ZFHX3: variants seen among roughly 807,000 people sequenced by gnomAD.
ZFHX3 encodes zinc finger homeobox 3.
A neutral mutation model predicts 279.1 loss-of-function variants in ZFHX3; 42 were observed. That is an observed-to-expected ratio of 0.15 (90% CI 0.12 to 0.19). The LOEUF is 0.19. ZFHX3 is among the 10% of genes least tolerant of loss of function. The pLI, the probability that ZFHX3 is intolerant of heterozygous loss-of-function variation, is 1.00. For missense variants in ZFHX3, 4,981 were observed against 4,754.0 expected, an observed-to-expected ratio of 1.05 and a Z score of -1.40; for synonymous variants, 2,293 against 1,957.8, an observed-to-expected ratio of 1.17 and a Z score of -4.52.
chr16:73,112,436 A>G lies in ZFHX3; in HGVS notation c.-897+18532T>C, dbSNP rs1367911385. On this transcript the variant is annotated intron_variant, in intron 7 of 17. Coordinates refer to the ZFHX3 transcript ENST00000641206. ...ATTTAAAAAAATTTTAAAAAGGCCG[A>G]ACCCAGTGGCTGGCACCTGTAATCC... Among the ~76,000 whole-genome samples the G allele has an allele frequency of 3.9e-5, 6 of 152,118 alleles. No individual in the cohort carries two copies. The South Asian group carries it at 1.2e-3, about 31-fold the overall frequency.
intron 2 of ZFHX3, among the ~76,000 whole-genome samples, chr16:73,556,008 A>G (rs978543290): frequency 6.6e-6 from 1 of 152,194 alleles, no homozygotes; most frequent in Non-Finnish European, 1.5e-5. Context: ...ATGCAGACAC[A>G]GTGTTTTCTG....
At chr16:73,747,355 C>T (rs1259144076) in intron 1 of ZFHX3, among the ~76,000 whole-genome samples, 2 of 152,036 alleles carry the variant, frequency 1.3e-5, no homozygotes, top group African/African-American at 4.8e-5. Context: ...TGCACTTAAG[C>T]CTAGGTGACA....
chr16:73,659,876 T>C (rs1242760459), intron 2 of ZFHX3, among the ~76,000 whole-genome samples: 1 of 152,140 alleles, frequency 6.6e-6, no homozygotes, highest in Non-Finnish European at 1.5e-5. Context: ...TTAATAAAAA[T>C]AGAGCCACCC....
rs762909654 is a variant in ZFHX3 at position 72,957,827 on chromosome 16, C to CGCA, written c.2318_2319insTGC (p.Ala776dup). Reference sequence around the variant, plus strand: ...CCGCCGCCGCAGCCACCGCCGCCGCCGCCGCCCCGGCAGTGTGGCTGAAGA... The same window carrying CGCA: ...CCGCCGCCGCAGCCACCGCCGCCGCCGCAGCCGCCCCGGCAGTGTGGCTGAAGA... On this transcript the variant is annotated inframe_insertion, in exon 2 of 10. Coordinates refer to ENST00000268489, the MANE Select transcript of ZFHX3 (RefSeq NM_006885.4). 6.2e-6 allele frequency: 10 copies of CGCA among 1,610,266 alleles called. No homozygotes were observed. Among genetic ancestry groups the CGCA allele is most frequent in the Non-Finnish European group, 8.5e-6 (10 of 1,177,930 alleles).
intron 4 of ZFHX3, among the ~76,000 whole-genome samples, chr16:72,842,790 A>G (rs1007444789): frequency 1.3e-5 from 2 of 152,232 alleles, no homozygotes; most frequent in African/African-American, 4.8e-5. Flanking sequence ...CTCAACTACT[A>G]AAGAACTTTG....
At chr16:73,743,236 G>A in intron 1 of ZFHX3, among the ~76,000 whole-genome samples, 1 of 152,154 alleles carries the variant, frequency 6.6e-6, no homozygotes, top group East Asian at 1.9e-4. Flanking sequence ...GACCAACTGT[G>A]TACCAGCCAG....
chr16:73,623,341 C>T (rs1388344517), intron 2 of ZFHX3, among the ~76,000 whole-genome samples: 19 of 152,040 alleles, frequency 1.2e-4, no homozygotes, highest in Non-Finnish European at 7.4e-5. Context: ...CGGCCGGGCA[C>T]ATTGTATTTT....
intron 1 of ZFHX3, among the ~76,000 whole-genome samples, chr16:73,004,234 G>A (rs1963618739): frequency 7.6e-6 from 1 of 131,348 alleles, no homozygotes. Flanking sequence ...CAAACTCCTG[G>A]GCTCAAGCAA....
chr16:73,780,096 A>T (rs1273064972), intron 1 of ZFHX3, among the ~76,000 whole-genome samples: 2 of 133,840 alleles, frequency 1.5e-5, no homozygotes, highest in East Asian at 4.6e-4. Context: ...AACCAGCAAA[A>T]CTCACTGCAT....
intron 1 of ZFHX3, among the ~76,000 whole-genome samples, chr16:73,813,494 C>T (rs1305415197): frequency 6.6e-6 from 1 of 151,686 alleles, no homozygotes; most frequent in Non-Finnish European, 1.5e-5. Flanking sequence ...AAGTCCATTT[C>T]AGTAAAACAA....
chr16:73,145,196 T>C (rs1300800548), intron 5 of ZFHX3, among the ~76,000 whole-genome samples: 2 of 152,086 alleles, frequency 1.3e-5, no homozygotes, highest in Non-Finnish European at 2.9e-5. Context: ...AAGCCTCCTG[T>C]TGGGGGAGCA....
intron 1 of ZFHX3, among the ~76,000 whole-genome samples, chr16:73,693,647 C>T (rs1467038330): frequency 6.6e-6 from 1 of 152,178 alleles, no homozygotes; most frequent in African/African-American, 2.4e-5. Flanking sequence ...GCCTCTGTCT[C>T]ATAAGCACAA....
intron 4 of ZFHX3, among the ~76,000 whole-genome samples, chr16:72,838,272 G>T (rs2037249682): frequency 6.6e-6 from 1 of 152,206 alleles, no homozygotes; most frequent in Non-Finnish European, 1.5e-5. Flanking sequence ...TATATTTGAA[G>T]ATCTTACCAC....
rs529898113 is a variant in ZFHX3 at position 72,795,109 on chromosome 16, G to A, written c.7573C>T (p.Pro2525Ser). Residue 2525 changes from proline to serine, a missense_variant, in exon 9 of 10, where the codon CCT becomes TCT. Pro to Ser is a moderately conservative substitution (Grantham distance 74, BLOSUM62 -1). Around this residue, in one of 7 missense-constraint regions of ZFHX3, gnomAD observed 744 missense variants for 701.3 expected, o/e 1.06. Coordinates refer to ENST00000268489, the MANE Select transcript of ZFHX3 (RefSeq NM_006885.4). Reference sequence around the variant, plus strand: ...TCACACTGGTAGGGGATTAGCTGAGGAGGTAGGTTTGCGAGCTGTTGAGGA... The same window carrying A: ...TCACACTGGTAGGGGATTAGCTGAGAAGGTAGGTTTGCGAGCTGTTGAGGA... Reference protein sequence around the residue: ...STPQQLANLPPQLIPYQCDQC... With the variant: ...STPQQLANLPSQLIPYQCDQC... The A allele has an allele frequency of 4.3e-6, 7 of 1,614,008 alleles. No homozygotes were observed. The highest frequency in any genetic ancestry group is 5.9e-6 in the Non-Finnish European group (7 of 1,180,038).
At chr16:72,790,417 G>C (rs918806236) in intron 9 of ZFHX3, 1 of 152,174 alleles carries the variant, frequency 6.6e-6, no homozygotes, top group Non-Finnish European at 1.5e-5. Context: ...AGCTGGGGAA[G>C]GAGTTCCATA....
chr16:73,617,614 T>C (rs563584102), intron 2 of ZFHX3, among the ~76,000 whole-genome samples: 290 of 152,264 alleles, frequency 1.9e-3, no homozygotes, highest in Middle Eastern at 3.4e-3. Context: ...TTAAAATTTA[T>C]GGAAAAAAAT....
At chr16:73,794,612 A>G (rs919415106) in intron 1 of ZFHX3, among the ~76,000 whole-genome samples, 1 of 152,160 alleles carries the variant, frequency 6.6e-6, no homozygotes, top group Admixed American at 6.5e-5. Context: ...AAATGACGCA[A>G]CTGAGGCCCT....
intron 2 of ZFHX3, among the ~76,000 whole-genome samples, chr16:73,538,137 G>A (rs2019939950): frequency 6.6e-6 from 1 of 152,110 alleles, no homozygotes; most frequent in African/African-American, 2.4e-5. Flanking sequence ...TCATCACGCA[G>A]CACCTCATCA....
chr16:73,728,025 C>CCG (rs1555535411), intron 1 of ZFHX3, among the ~76,000 whole-genome samples: 2 of 113,524 alleles, frequency 1.8e-5, no homozygotes, highest in East Asian at 3.3e-4. Context: ...GCCCCCCCCC[C>CCG]GCCCCCAATA....
Sources: gnomAD v4.1 joint callset for allele counts (sites outside exome capture counted in the v4.1 genomes callset) on GRCh38, gnomAD v4.1.1 for gene constraint, gnomAD v4.1.1 regional missense constraint, MANE v1.5 for transcripts, NCBI Gene and HGNC (gene_info 2026-07-23, HGNC 2026-07-21) for gene names.